The following CHIC1 variants were observed in gnomAD, a reference collection of about 807,000 sequenced individuals.
CHIC1 encodes the protein cysteine rich hydrophobic domain 1.
Under a neutral mutation model 18.5 loss-of-function variants are expected in CHIC1, and 7 were observed. The ratio of observed to expected loss-of-function variants is 0.38; its 90% CI spans 0.22 to 0.71. CHIC1 has a LOEUF of 0.71. Among genes scored for constraint, CHIC1 ranks in the 30% least tolerant of loss-of-function variants. CHIC1 has a pLI of 0.49. For synonymous variants in CHIC1, 77 were observed against 73.5 expected (o/e 1.05, Z -0.25); for missense variants, 159 against 176.9 (o/e 0.90, Z 0.57).
At chrX:73,644,687 G>A (rs1218608912) in intron 3 of CHIC1, among the ~76,000 whole-genome samples, 1 of 112,784 alleles carries the variant, frequency 8.9e-6, no homozygotes, top group African/African-American at 3.2e-5. Flanking sequence ...TCCAAGCCAG[G>A]TGCAGTATAT....
intron 3 of CHIC1, among the ~76,000 whole-genome samples, chrX:73,675,139 A>C (rs1047480485): frequency 1.8e-5 from 2 of 111,601 alleles, no homozygotes; most frequent in African/African-American, 6.5e-5. Flanking sequence ...TTTGCTGAGG[A>C]GTGCTTTACT....
chrX:73,619,245 G>C (rs1027467782), intron 3 of CHIC1, among the ~76,000 whole-genome samples: 1 of 110,625 alleles, frequency 9.0e-6, no homozygotes, highest in Non-Finnish European at 1.9e-5. Flanking sequence ...GTAGTCCTTG[G>C]AGCAAGAGTT....
chrX:73,660,979 C>A (rs1158089878), intron 3 of CHIC1, among the ~76,000 whole-genome samples: 2 of 111,672 alleles, frequency 1.8e-5, no homozygotes, highest in African/African-American at 6.5e-5. Flanking sequence ...AGTGGTGTTG[C>A]AGGGTCCTTA....
chrX:73,670,875 A>G (rs977503815), intron 3 of CHIC1, among the ~76,000 whole-genome samples: 1 of 111,571 alleles, frequency 9.0e-6, no homozygotes, highest in Non-Finnish European at 1.9e-5. Flanking sequence ...GTCTGAGAAG[A>G]TACTTGATAT....
chrX:73,668,252 G>C (rs921661043), intron 3 of CHIC1, among the ~76,000 whole-genome samples: 1 of 111,738 alleles, frequency 8.9e-6, no homozygotes, highest in Non-Finnish European at 1.9e-5. Flanking sequence ...TTGGCTGTCA[G>C]CTCCTGTATT....
chrX:73,566,642 G>A (rs983741446), intron 1 of CHIC1, among the ~76,000 whole-genome samples: 2 of 111,523 alleles, frequency 1.8e-5, no homozygotes, highest in African/African-American at 6.5e-5. Context: ...TAAAAAAGTA[G>A]CTACATTTAC....
chrX:73,590,570 G>A (rs900095596), intron 3 of CHIC1, among the ~76,000 whole-genome samples: 4 of 111,317 alleles, frequency 3.6e-5, no homozygotes, highest in African/African-American at 1.3e-4. Context: ...TCATAGTATC[G>A]TACAGAATAG....
At chrX:73,626,200 T>C (rs1209001510) in intron 3 of CHIC1, among the ~76,000 whole-genome samples, 1 of 111,950 alleles carries the variant, frequency 8.9e-6, no homozygotes, top group Non-Finnish European at 1.9e-5. Context: ...TGTTGTTTCC[T>C]CTGTCTTGCT....
chrX:73,636,432 C>T (rs1450590998), intron 3 of CHIC1, among the ~76,000 whole-genome samples: 3 of 111,011 alleles, frequency 2.7e-5, no homozygotes, highest in Non-Finnish European at 5.7e-5. Context: ...CTACAGGTAC[C>T]CACTGCTGCA....
chrX:73,605,187 A>G (rs753394001), intron 3 of CHIC1, among the ~76,000 whole-genome samples: 9 of 108,448 alleles, frequency 8.3e-5, no homozygotes, highest in Admixed American at 9.7e-5. Context: ...GTGCTCCTGT[A>G]TTGGGTGCAT....
chrX:73,614,827 T>C (rs773963463), intron 3 of CHIC1, among the ~76,000 whole-genome samples: 5 of 111,211 alleles, frequency 4.5e-5, no homozygotes, highest in Admixed American at 9.6e-5. Flanking sequence ...ACTGCGCTTT[T>C]TTTTATATCA....
chrX:73,613,835 C>T (rs905977625), intron 3 of CHIC1, among the ~76,000 whole-genome samples: 5 of 110,010 alleles, frequency 4.5e-5, no homozygotes, highest in Non-Finnish European at 9.5e-5. Context: ...TCCCTTCCTT[C>T]CTTCCTTCCC....
chrX:73,663,766 C>T (rs1275086871), intron 3 of CHIC1, among the ~76,000 whole-genome samples: 1 of 111,347 alleles, frequency 9.0e-6, no homozygotes, highest in African/African-American at 3.3e-5. Flanking sequence ...ACTTCCCTTT[C>T]CCCTTTCTTT....
intron 3 of CHIC1, among the ~76,000 whole-genome samples, chrX:73,611,486 G>A (rs1405064716): frequency 9.2e-6 from 1 of 108,740 alleles, no homozygotes; most frequent in Non-Finnish European, 1.9e-5. Context: ...ACATACGTGT[G>A]CATGTGTCTT....
chrX:73,622,646 T>C (rs182883540), intron 3 of CHIC1, among the ~76,000 whole-genome samples: 2 of 111,809 alleles, frequency 1.8e-5, no homozygotes, highest in Non-Finnish European at 3.8e-5. Flanking sequence ...AGCTCCTGGA[T>C]TCATTGACTT....
At chrX:73,670,626 C>T (rs2058025638) in intron 3 of CHIC1, among the ~76,000 whole-genome samples, 1 of 110,887 alleles carries the variant, frequency 9.0e-6, no homozygotes, top group Admixed American at 9.6e-5. Flanking sequence ...CATATTCTTT[C>T]TTTCAAATCT....
At chrX:73,656,059 CA>C (rs1228135757) in intron 3 of CHIC1, among the ~76,000 whole-genome samples, 1 of 111,564 alleles carries the variant, frequency 9.0e-6, no homozygotes, top group Non-Finnish European at 1.9e-5. Flanking sequence ...CTCTAATGAT[CA>C]GTGATATTGA....
At chrX:73,590,161 T>C (rs1362075983) in intron 3 of CHIC1, among the ~76,000 whole-genome samples, 5 of 111,112 alleles carry the variant, frequency 4.5e-5, no homozygotes, top group Non-Finnish European at 7.6e-5. Flanking sequence ...CAGTTTCAAA[T>C]TAATATCTGG....
chrX:73,618,142 C>A (rs768531139), intron 3 of CHIC1, among the ~76,000 whole-genome samples: 1 of 111,730 alleles, frequency 9.0e-6, no homozygotes, highest in South Asian at 3.8e-4. Flanking sequence ...GTCTTCAGGT[C>A]TCTCCGCCAT....
Sources: allele counts gnomAD v4.1 joint callset (sites outside exome capture counted in the v4.1 genomes callset), GRCh38; gene constraint gnomAD v4.1.1; transcripts MANE v1.5; gene names NCBI Gene and HGNC (gene_info 2026-07-23, HGNC 2026-07-21).